Variants in PAM observed in about 807,000 individuals in gnomAD.
PAM encodes the protein peptidylglycine alpha-amidating monooxygenase.
A neutral mutation model predicts 122.1 loss-of-function variants in PAM; 72 were observed. That is an observed-to-expected ratio of 0.59 (90% CI 0.49 to 0.72). PAM has a LOEUF of 0.72. Ranked by LOEUF, PAM falls within the 30% of genes least tolerant of loss-of-function variation. The pLI is 0.00. For synonymous variants in PAM, 389 were observed against 404.4 expected (o/e 0.96, Z 0.46); for missense variants, 1,106 against 1,183.7 (o/e 0.93, Z 0.96).
At chr5:103,015,063 T>A (rs1781606200) in intron 21 of PAM, among the ~76,000 whole-genome samples, 1 of 152,224 alleles carries the variant, frequency 6.6e-6, no homozygotes, top group Non-Finnish European at 1.5e-5. Flanking sequence ...TGACAATACT[T>A]GAGCTGAAAA....
At chr5:102,810,383 CTTTATT>C (rs1767543812) in intron 1 of PAM, among the ~76,000 whole-genome samples, 2 of 152,076 alleles carry the variant, frequency 1.3e-5, no homozygotes, top group Non-Finnish European at 2.9e-5. Flanking sequence ...AAAGTTTTTA[CTTTATT>C]TTTATGCTCT....
At chr5:102,979,048 A>G (rs893381758) in intron 15 of PAM, among the ~76,000 whole-genome samples, 3 of 151,078 alleles carry the variant, frequency 2.0e-5, no homozygotes, top group Admixed American at 2.0e-4. Flanking sequence ...ACACACACAC[A>G]CACACACACA....
At chr5:102,818,449 C>A (rs1191575150) in intron 1 of PAM, among the ~76,000 whole-genome samples, 4 of 151,550 alleles carry the variant, frequency 2.6e-5, no homozygotes, top group Non-Finnish European at 5.9e-5. Flanking sequence ...ATGTAACTGT[C>A]AAATGGTTAA....
At chr5:102,906,203 A>C (rs548209091) in intron 4 of PAM, among the ~76,000 whole-genome samples, 1 of 151,710 alleles carries the variant, frequency 6.6e-6, no homozygotes, top group African/African-American at 2.4e-5. Flanking sequence ...GGTACATCTA[A>C]TGATCACCAA....
At chr5:102,783,904 T>C (rs577315741) in intron 1 of PAM, among the ~76,000 whole-genome samples, 1 of 139,556 alleles carries the variant, frequency 7.2e-6, no homozygotes, top group Admixed American at 7.0e-5. Context: ...TACCCCCATC[T>C]TTTTTTTTTT....
chr5:102,869,152 A>G (rs1158359522), intron 3 of PAM, among the ~76,000 whole-genome samples: 1 of 152,208 alleles, frequency 6.6e-6, no homozygotes, highest in Non-Finnish European at 1.5e-5. Context: ...GACTCCAGAG[A>G]TGGAACACAT....
At chr5:102,756,266 A>T (rs970152371) in intron 1 of PAM, among the ~76,000 whole-genome samples, 4 of 151,990 alleles carry the variant, frequency 2.6e-5, no homozygotes, top group African/African-American at 9.7e-5. Flanking sequence ...TCTCTGGGTG[A>T]TTTGGTCAGT....
At chr5:103,001,507 A>T (rs1453211127) in intron 16 of PAM, among the ~76,000 whole-genome samples, 1 of 152,124 alleles carries the variant, frequency 6.6e-6, no homozygotes, top group Non-Finnish European at 1.5e-5. Context: ...ACTGCATATA[A>T]TAGCATATAT....
intron 4 of PAM, among the ~76,000 whole-genome samples, chr5:102,907,767 C>A (rs1289983496): frequency 1.3e-5 from 2 of 152,088 alleles, no homozygotes; most frequent in African/African-American, 4.8e-5. Flanking sequence ...GCATAAATGT[C>A]TTCTTTTGAG....
At position 102,974,299 on chromosome 5, in the gene PAM, G is replaced by T. The variant is rs935384800; in HGVS notation, c.1346G>T (p.Gly449Val). 1.2e-6 allele frequency: 2 copies of T among 1,614,032 alleles called. No homozygotes were observed. Among genetic ancestry groups the T allele is most frequent in the African/African-American group, 2.7e-5 (2 of 75,030 alleles). The stretch of plus-strand genomic sequence containing the variant: ...AGAGAGGGTGCAGAACATGAGAGGG[G>T]TAATGCTATTCTTGTCAGAGACAGA... ...DAREGAEHER[G>V]NAILVRDRIH... The change falls in exon 15 of 26, where the codon GGT (glycine) becomes GTT (valine). Residue 449 changes from glycine to valine, a missense_variant. By Grantham distance (109) the Gly-to-Val change is moderately radical. Transcript: ENST00000438793.
At position 102,888,828 on chromosome 5, in the gene PAM, AC is replaced by A. The variant is rs373024786; in HGVS notation, c.211-12525del. ...TTAAAATAATGCTTTTATTTAAAAT[AC>A]CCTTTTTACAAATATTAAAATTTTA... On this transcript the variant is annotated intron_variant, in intron 3 of 25. Coordinates refer to ENST00000438793, the MANE Select transcript of PAM (RefSeq NM_001177306.2). Among the ~76,000 whole-genome samples, 5 of 151,940 alleles carry A rather than the reference AC, an allele frequency of 3.3e-5. No homozygotes were observed. In the East Asian group the frequency reaches 7.8e-4, roughly 24 times the overall value.
intron 22 of PAM, among the ~76,000 whole-genome samples, chr5:103,018,507 A>G (rs923547161): frequency 6.6e-6 from 1 of 152,150 alleles, no homozygotes; most frequent in African/African-American, 2.4e-5. Context: ...AGAGATGCCC[A>G]TGGACTATGC....
intron 15 of PAM, among the ~76,000 whole-genome samples, chr5:102,981,017 T>G (rs1367059957): frequency 6.6e-6 from 1 of 152,222 alleles, no homozygotes; most frequent in Non-Finnish European, 1.5e-5. Flanking sequence ...GATATTTACA[T>G]TAATTTTCCT....
intron 23 of PAM, 57 bp downstream of exon 23, chr5:103,019,900 T>C: frequency 2.0e-6 from 2 of 1,008,192 alleles, no homozygotes; most frequent in Non-Finnish European, 3.2e-6. Flanking sequence ...TTGAATTCTT[T>C]TATGGCCCTT....
chr5:102,843,176 A>G (rs931790214), intron 1 of PAM, among the ~76,000 whole-genome samples: 1 of 152,230 alleles, frequency 6.6e-6, no homozygotes, highest in Non-Finnish European at 1.5e-5. Context: ...GACATACATG[A>G]TAAAACACTT....
chr5:102,889,158 G>A (rs1399719703), intron 3 of PAM, among the ~76,000 whole-genome samples: 1 of 151,914 alleles, frequency 6.6e-6, no homozygotes, highest in African/African-American at 2.4e-5. Context: ...TCTTCAGCCT[G>A]CTCCACGCTC....
In PAM at chr5:102,814,561, A is replaced by ATATATACATATATT. The variant is rs1561519210; in HGVS notation, c.-373-51262_-373-51261insTATATACATATATT. ...TATATATTGATATATACATATATAT[A>ATATATACATATATT]GATATATACATATATTGATATATAC... On this transcript the variant is annotated intron_variant, in intron 1 of 25. Coordinates refer to ENST00000438793, the MANE Select transcript of PAM (RefSeq NM_001177306.2). Among the ~76,000 whole-genome samples the ATATATACATATATT allele has an allele frequency of 5.4e-4, 79 of 146,912 alleles. 1 individual carries two copies. Among genetic ancestry groups the ATATATACATATATT allele is most frequent in the Middle Eastern group, 3.6e-3 (1 of 280 alleles).
At chr5:102,765,081 C>T (rs1477700466) in intron 1 of PAM, among the ~76,000 whole-genome samples, 1 of 152,190 alleles carries the variant, frequency 6.6e-6, no homozygotes, top group African/African-American at 2.4e-5. Flanking sequence ...TTCCAGCTTA[C>T]CTGGATCACA....
At chr5:102,897,122 C>G (rs1175177621) in intron 3 of PAM, among the ~76,000 whole-genome samples, 1 of 151,596 alleles carries the variant, frequency 6.6e-6, no homozygotes, top group South Asian at 2.1e-4. Flanking sequence ...ACTTTCCATA[C>G]GTTTTCCTTG....
Sources: allele counts gnomAD v4.1 joint callset (sites outside exome capture counted in the v4.1 genomes callset), GRCh38; gene constraint gnomAD v4.1.1; transcripts MANE v1.5; gene names NCBI Gene and HGNC (gene_info 2026-07-23, HGNC 2026-07-21).